AGAP1: variants seen among roughly 807,000 people sequenced by gnomAD.
AGAP1 encodes ArfGAP with GTPase domain, ankyrin repeat and PH domain 1.
AGAP1 carries 29 observed loss-of-function variants against 105.3 expected under a neutral mutation model. The ratio of observed to expected loss-of-function variants is 0.28; its 90% CI spans 0.21 to 0.38. AGAP1 has a LOEUF of 0.38. Among genes scored for constraint, AGAP1 ranks in the 10% least tolerant of loss-of-function variants. The pLI, the probability that AGAP1 is intolerant of heterozygous loss-of-function variation, is 1.00. For missense variants in AGAP1, 998 were observed against 1,165.1 expected (o/e 0.86, Z 2.09); for synonymous variants, 509 against 485.9 (o/e 1.05, Z -0.63).
rs1455022886 is a variant in AGAP1 at position 235,557,104 on chromosome 2, C to T, written c.163+62255C>T. 1.3e-5 allele frequency among the ~76,000 whole-genome samples: 2 copies of T among 152,084 alleles called. No individual in the cohort carries two copies. The highest frequency in any genetic ancestry group is 2.4e-5 in the African/African-American group (1 of 41,408). On this transcript the variant is annotated intron_variant, in intron 1 of 17. Transcript: ENST00000304032. This position sits in a 1 kb window ranked among gnomAD's most constrained non-coding sequence, Gnocchi z 4.7. ...CTGGGTCCTGGGGTGAGCTCTGGAG[C>T]CCGTGGGTCTGGTTGTCTTGCTGAC...
chr2:236,124,279 C>G lies in AGAP1; in HGVS notation c.*157C>G. The G allele has an allele frequency of 1.2e-6, 1 of 823,198 alleles. No individual in the cohort carries two copies. The allele number at this position is 823,198 out of a possible 1,614,324, so 51.0% of individuals were successfully genotyped here. A position where few individuals can be genotyped will look rare whatever the true frequency, so the allele number is the denominator to read the frequency against. On this transcript the variant is annotated 3_prime_UTR_variant, in exon 18 of 18. Transcript: ENST00000304032. This position sits in a 1 kb window ranked among gnomAD's most constrained non-coding sequence, Gnocchi z 5.1. ...CCCACTCTCACCCCAAACAAAATCACAAAACCTGGACATCCCTCAAGGGGC... is the reference window on the plus strand; with the variant it reads ...CCCACTCTCACCCCAAACAAAATCAGAAAACCTGGACATCCCTCAAGGGGC...
At position 235,728,812 on chromosome 2, in the gene AGAP1, C is replaced by T. The variant is rs1481673370; in HGVS notation, c.310+11168C>T. On this transcript the variant is annotated intron_variant, in intron 3 of 17. Transcript: ENST00000304032. This position sits in a 1 kb window ranked among gnomAD's most constrained non-coding sequence, Gnocchi z 4.3. ...GAGCGGGGCGGGGAGGAGGGGAAGC[C>T]AGCCTGCAGCATTGCCCTCTAGACA... is the stretch of plus-strand genomic sequence containing the variant. 6.6e-6 allele frequency among the ~76,000 whole-genome samples: 1 copy of T among 152,130 alleles called. No individual in the cohort carries two copies. The highest frequency in any genetic ancestry group is 2.4e-5 in the African/African-American group (1 of 41,430).
At chr2:235,773,807 G>T (rs1306845435) in intron 6 of AGAP1, 1 of 392,992 alleles carries the variant, frequency 2.5e-6, no homozygotes, top group Non-Finnish European at 5.0e-6. Flanking sequence ...TTAGTTGAGT[G>T]CCCTTTGTTT....
rs1377800685 is a variant in AGAP1, at chr2:235,750,677, C to T, written c.673+189C>T. The stretch of plus-strand genomic sequence containing the variant: ...TGTTTCATATAAACAGTGCTGTGTT[C>T]AGAAGAGACAACAAGGCATGGCTTG... On this transcript the variant is annotated intron_variant, in intron 6 of 17. Coordinates refer to ENST00000304032, the MANE Select transcript of AGAP1 (RefSeq NM_001037131.3). The surrounding 1 kb of genome is among the most constrained non-coding windows in gnomAD (Gnocchi z 5.3). Among the ~76,000 whole-genome samples, 2 of 152,136 alleles carry T rather than the reference C, an allele frequency of 1.3e-5. No individual in the cohort carries two copies. Among genetic ancestry groups the T allele is most frequent in the Non-Finnish European group, 2.9e-5 (2 of 68,032 alleles).
intron 9 of AGAP1, among the ~76,000 whole-genome samples, chr2:235,881,808 CA>C (rs1559601802): frequency 6.6e-6 from 1 of 152,190 alleles, no homozygotes; most frequent in East Asian, 1.9e-4. Flanking sequence ...AACATGACTT[CA>C]AAAATGTGTT....
In AGAP1 at chr2:235,964,270, G is replaced by T. The variant is rs2125325595; in HGVS notation, c.1484-4192G>T. On this transcript the variant is annotated intron_variant, in intron 12 of 17. Transcript: ENST00000304032. The surrounding 1 kb of genome is among the most constrained non-coding windows in gnomAD (Gnocchi z 4.6). ...CCCAAGGGACAGAGTAAAATAATAT[G>T]ATTTTAATATAATAATATTACTTAA... Among the ~76,000 whole-genome samples the T allele has an allele frequency of 6.6e-6, 1 of 152,226 alleles. No homozygotes were observed. The highest frequency in any genetic ancestry group is 1.9e-4 in the East Asian group (1 of 5,172).
At chr2:235,670,246 G>A (rs1575079659) in intron 1 of AGAP1, 5 of 557,180 alleles carry the variant, frequency 9.0e-6, no homozygotes, top group East Asian at 3.7e-5. Flanking sequence ...CCGGCGGCCC[G>A]GACCCACGCC....
In AGAP1 at chr2:236,051,710, GAGAGGGGA is replaced by G. The variant is rs1455503201; in HGVS notation, c.2114+2432_2114+2439del. 6.6e-6 allele frequency among the ~76,000 whole-genome samples: 1 copy of G among 152,184 alleles called. No individual in the cohort carries two copies. ...CTTAAAAGCGACCCTGGGGGCAGGGGAGAGGGGAAGGGTTTGTCTATTCATGGGTTCTG... is the reference window on the plus strand; with the variant it reads ...CTTAAAAGCGACCCTGGGGGCAGGGGAGGGTTTGTCTATTCATGGGTTCTG... On this transcript the variant is annotated intron_variant, in intron 16 of 17. Coordinates refer to ENST00000304032, the MANE Select transcript of AGAP1 (RefSeq NM_001037131.3). This position sits in a 1 kb window ranked among gnomAD's most constrained non-coding sequence, Gnocchi z 5.9.
Position 236,045,019 on chromosome 2 carries a change from A to G in AGAP1, c.1892-4040A>G, listed in dbSNP as rs1021523223. On this transcript the variant is annotated intron_variant, in intron 15 of 17. Transcript: ENST00000304032. This position sits in a 1 kb window ranked among gnomAD's most constrained non-coding sequence, Gnocchi z 6.9. ...AGCCTTGAACTCTTAGGCTCCAGCAATCCTCCCACCTCAGACTCCTGAGCA... is the reference window on the plus strand; with the variant it reads ...AGCCTTGAACTCTTAGGCTCCAGCAGTCCTCCCACCTCAGACTCCTGAGCA... 3.3e-5 allele frequency among the ~76,000 whole-genome samples: 5 copies of G among 152,168 alleles called. No individual in the cohort carries two copies. The highest frequency in any genetic ancestry group is 9.6e-5 in the African/African-American group (4 of 41,522).
intron 9 of AGAP1, among the ~76,000 whole-genome samples, chr2:235,878,194 G>A (rs530750459): frequency 2.0e-5 from 3 of 152,214 alleles, no homozygotes; most frequent in Non-Finnish European, 2.9e-5. Context: ...CAACCCCAGT[G>A]ACTCTTGGCC....
rs537125956 is a variant in AGAP1, at chr2:235,853,108, G to A, written c.1051-30237G>A. ...TGAGCGTTTACGCTCTTTCTTTGAG[G>A]AACCTTTTTTTAAAGAAAAAAACAT... is the stretch of plus-strand genomic sequence containing the variant. On this transcript the variant is annotated intron_variant, in intron 9 of 17. Transcript: ENST00000304032. 13 of 1,220,618 alleles carry A rather than the reference G, an allele frequency of 1.1e-5. No individual in the cohort carries two copies. In the South Asian group the frequency reaches 3.0e-4, roughly 28 times the overall value. 75.6% of individuals were successfully genotyped at this position (1,220,618 alleles called of 1,614,324 possible).
At chr2:235,935,368 G>T (rs1021252929) in intron 12 of AGAP1, among the ~76,000 whole-genome samples, 12 of 152,122 alleles carry the variant, frequency 7.9e-5, no homozygotes, top group Non-Finnish European at 1.6e-4. Flanking sequence ...TTGAGCCTCT[G>T]CATTGAAAAA....
At chr2:235,592,892 A>G (rs962306356) in intron 1 of AGAP1, among the ~76,000 whole-genome samples, 2 of 152,164 alleles carry the variant, frequency 1.3e-5, no homozygotes, top group Non-Finnish European at 2.9e-5. Flanking sequence ...TTCCAGGAAC[A>G]CTGGTGTCTC....
chr2:235,530,382 C>T (rs931110975), intron 1 of AGAP1, among the ~76,000 whole-genome samples: 7 of 152,252 alleles, frequency 4.6e-5, no homozygotes, highest in South Asian at 4.2e-4. Context: ...TCCCTGTGTC[C>T]GTTTCCCATT....
chr2:235,886,837 A>T (rs1305698751), intron 10 of AGAP1, among the ~76,000 whole-genome samples: 1 of 152,172 alleles, frequency 6.6e-6, no homozygotes, highest in Admixed American at 6.5e-5. Context: ...AGCATTGGAT[A>T]AAAGTGTGGA....
intron 1 of AGAP1, among the ~76,000 whole-genome samples, chr2:235,560,130 A>T (rs1017755894): frequency 6.6e-6 from 1 of 152,028 alleles, no homozygotes; most frequent in Admixed American, 6.6e-5. Flanking sequence ...TTTTACGTTT[A>T]GGTCTTTGAT....
At position 235,968,458 on chromosome 2, in the gene AGAP1, G is replaced by T; in HGVS notation, c.1484-4G>T. 1 of 1,554,732 alleles carries T rather than the reference G, an allele frequency of 6.4e-7. No individual in the cohort carries two copies. Among genetic ancestry groups the T allele is most frequent in the Non-Finnish European group, 8.6e-7 (1 of 1,158,738 alleles). ...TTTTTTTGCCTTTTCCGGTCCAATG[G>T]CAGACACAGGGCTGGGTGACTCCGT... On this transcript the variant is annotated splice_polypyrimidine_tract_variant and splice_region_variant and intron_variant, in intron 12 of 17. Coordinates refer to ENST00000304032, the MANE Select transcript of AGAP1 (RefSeq NM_001037131.3).
At chr2:236,033,577 T>C (rs1430880529) in intron 13 of AGAP1, among the ~76,000 whole-genome samples, 1 of 152,242 alleles carries the variant, frequency 6.6e-6, no homozygotes, top group African/African-American at 2.4e-5. Flanking sequence ...TTCCATTGTT[T>C]TTATCACTTT....
Position 236,061,011 on chromosome 2 carries a change from C to T in AGAP1, c.2114+11730C>T, listed in dbSNP as rs1024712229. The stretch of plus-strand genomic sequence containing the variant: ...CCAGGAGTTTGAGGTTGCAGTGAGC[C>T]GTTATCACGTCACTCCACTCTAGCC... On this transcript the variant is annotated intron_variant, in intron 16 of 17. Coordinates refer to ENST00000304032, the MANE Select transcript of AGAP1 (RefSeq NM_001037131.3). The surrounding 1 kb of genome is among the most constrained non-coding windows in gnomAD (Gnocchi z 4.1). Among the ~76,000 whole-genome samples the T allele has an allele frequency of 2.0e-5, 3 of 152,100 alleles. No homozygotes were observed. Among genetic ancestry groups the T allele is most frequent in the African/African-American group, 4.8e-5 (2 of 41,418 alleles).
Sources: gnomAD v4.1 joint callset for allele counts (sites outside exome capture counted in the v4.1 genomes callset) on GRCh38, gnomAD v4.1.1 for gene constraint, Gnocchi (gnomAD v3.1) non-coding constraint, MANE v1.5 for transcripts, NCBI Gene and HGNC (gene_info 2026-07-23, HGNC 2026-07-21) for gene names.